The following LRBA variants were observed in gnomAD, a reference collection of about 807,000 sequenced individuals.
LRBA encodes lipopolysaccharide-responsive and beige-like anchor protein.
Under a neutral mutation model 330.0 loss-of-function variants are expected in LRBA, and 176 were observed. The ratio of observed to expected loss-of-function variants is 0.53; its 90% CI spans 0.47 to 0.60. The LOEUF (loss-of-function observed/expected upper bound fraction) is 0.60, where lower values mean the gene tolerates loss of function less well. Among genes scored for constraint, LRBA ranks in the 20% least tolerant of loss-of-function variants. The probability of loss-of-function intolerance (pLI) is 0.00; values close to 1 mark genes in which losing one functional copy is unlikely to be tolerated. For synonymous variants in LRBA, 1,230 were observed against 1,193.0 expected (o/e 1.03, Z -0.64); for missense variants, 3,259 against 3,444.8 (o/e 0.95, Z 1.35).
intron 46 of LRBA, among the ~76,000 whole-genome samples, chr4:150,424,882 G>A (rs115635863): frequency 0.023 from 3,503 of 152,282 alleles, 135 homozygotes; most frequent in African/African-American, 0.078. Flanking sequence ...AAACTATATT[G>A]CAGTCTCATC....
chr4:150,639,851 A>G lies in LRBA; in HGVS notation c.5922-40720T>C, dbSNP rs542382307. On this transcript the variant is annotated intron_variant, in intron 37 of 56. Transcript: ENST00000651943. ...TATATATATATATATATATATATAT[A>G]TATATATATATATATATATATTTAG... Among the ~76,000 whole-genome samples, 30 of 72,894 alleles carry G rather than the reference A, an allele frequency of 4.1e-4. 2 individuals carry two copies. The highest frequency in any genetic ancestry group is 1.1e-3 in the Admixed American group (6 of 5,622). The allele number at this position is 72,894 out of a possible 152,430, so 47.8% of individuals were successfully genotyped here.
intron 46 of LRBA, among the ~76,000 whole-genome samples, chr4:150,433,690 C>T (rs905188819): frequency 6.6e-6 from 1 of 151,886 alleles, no homozygotes; most frequent in South Asian, 2.1e-4. Flanking sequence ...CTTATTATTT[C>T]TCAAAAGAGT....
intron 2 of LRBA, among the ~76,000 whole-genome samples, chr4:150,942,774 A>T (rs1383486865): frequency 1.3e-5 from 2 of 152,168 alleles, no homozygotes; most frequent in Non-Finnish European, 2.9e-5. Context: ...ACAAAAAAAA[A>T]ATGTGTCCAT....
chr4:150,770,605 AC>A, intron 34 of LRBA, among the ~76,000 whole-genome samples: 2 of 151,782 alleles, frequency 1.3e-5, no homozygotes, highest in South Asian at 4.2e-4. Context: ...ACACACACAC[AC>A]ACAAACACAT....
intron 37 of LRBA, among the ~76,000 whole-genome samples, chr4:150,641,883 G>C (rs1392327824): frequency 6.6e-6 from 1 of 151,924 alleles, no homozygotes; most frequent in Non-Finnish European, 1.5e-5. Flanking sequence ...TGAAGCATGA[G>C]GCTATTACTG....
At chr4:150,898,001 C>T (rs920994797) in intron 14 of LRBA, among the ~76,000 whole-genome samples, 183 bp from the exon 15 acceptor site, 3 of 151,938 alleles carry the variant, frequency 2.0e-5, no homozygotes, top group African/African-American at 4.8e-5. Flanking sequence ...GCACTGTATA[C>T]ACAATATTTC....
At chr4:150,376,009 G>A (rs1292499853) in intron 47 of LRBA, among the ~76,000 whole-genome samples, 3 of 152,092 alleles carry the variant, frequency 2.0e-5, no homozygotes, top group Non-Finnish European at 4.4e-5. Flanking sequence ...GCATATTTAA[G>A]TATCTATGGA....
intron 47 of LRBA, among the ~76,000 whole-genome samples, chr4:150,354,147 T>C (rs1035913412): frequency 6.6e-6 from 1 of 152,132 alleles, no homozygotes; most frequent in Non-Finnish European, 1.5e-5. Flanking sequence ...TGGAATACCC[T>C]GAGGTTGCCT....
chr4:150,963,688 C>G (rs1290337431), intron 2 of LRBA, among the ~76,000 whole-genome samples: 1 of 147,290 alleles, frequency 6.8e-6, no homozygotes, highest in Non-Finnish European at 1.5e-5. Flanking sequence ...GCCGCCCAGT[C>G]CGGGAAGTGA....
At chr4:150,973,016 T>C (rs932536247) in intron 2 of LRBA, among the ~76,000 whole-genome samples, 3 of 152,170 alleles carry the variant, frequency 2.0e-5, no homozygotes, top group Non-Finnish European at 4.4e-5. Context: ...CCGGGACTGG[T>C]GATGGGCACC....
intron 34 of LRBA, among the ~76,000 whole-genome samples, chr4:150,797,657 A>T (rs1006093290): frequency 6.6e-6 from 1 of 152,100 alleles, no homozygotes; most frequent in East Asian, 1.9e-4. Context: ...CATGTCAAAA[A>T]TAATTACCAA....
intron 36 of LRBA, among the ~76,000 whole-genome samples, chr4:150,686,020 A>G (rs1305714933): frequency 2.6e-5 from 4 of 152,196 alleles, no homozygotes; most frequent in Non-Finnish European, 2.9e-5. Context: ...ATGAATGACT[A>G]CAAGATTGGG....
chr4:150,803,467 T>C (rs1742063212), intron 33 of LRBA, among the ~76,000 whole-genome samples: 1 of 152,140 alleles, frequency 6.6e-6, no homozygotes. Context: ...TTCATTAAAA[T>C]ATTTTTAATA....
intron 2 of LRBA, among the ~76,000 whole-genome samples, chr4:150,976,745 A>C (rs968307404): frequency 3.9e-5 from 6 of 152,220 alleles, no homozygotes; most frequent in African/African-American, 1.4e-4. Context: ...TAAGCAAGAC[A>C]GTCTTGAATT....
At chr4:150,917,973 C>A (rs1324877909) in intron 5 of LRBA, among the ~76,000 whole-genome samples, 2 of 151,950 alleles carry the variant, frequency 1.3e-5, no homozygotes, top group African/African-American at 2.4e-5. Flanking sequence ...ACTCATACTA[C>A]CATTTCAAAA....
chr4:150,394,079 G>A (rs1744383720), intron 47 of LRBA, among the ~76,000 whole-genome samples: 1 of 152,144 alleles, frequency 6.6e-6, no homozygotes, highest in South Asian at 2.1e-4. Context: ...CAGCAGAGAA[G>A]ATTTAATCTT....
chr4:150,537,321 T>C (rs1453878891), intron 40 of LRBA, among the ~76,000 whole-genome samples: 3 of 152,008 alleles, frequency 2.0e-5, no homozygotes, highest in African/African-American at 7.2e-5. Context: ...ATACAAAAAT[T>C]AACTCAAGAT....
chr4:150,509,568 CAAA>C lies in LRBA; in HGVS notation c.6331-18536_6331-18534del, dbSNP rs35485784. Reference sequence around the variant, plus strand: ...AATAAAAATCAAAAGAATAGAAAACCAAAAAAAAAAAAGAGAGAAATATCACTA... The same window carrying C: ...AATAAAAATCAAAAGAATAGAAAACCAAAAAAAAAGAGAGAAATATCACTA... On this transcript the variant is annotated intron_variant, in intron 40 of 56. Coordinates refer to ENST00000651943, the MANE Select transcript of LRBA (RefSeq NM_001364905.1). Among the ~76,000 whole-genome samples the C allele has an allele frequency of 3.0e-4, 43 of 142,008 alleles. 1 individual carries two copies. Among genetic ancestry groups the C allele is most frequent in the African/African-American group, 1.0e-3 (39 of 37,520 alleles). 93.2% of individuals were successfully genotyped at this position (142,008 alleles called of 152,430 possible).
At chr4:150,631,195 A>G (rs2126670437) in intron 37 of LRBA, among the ~76,000 whole-genome samples, 1 of 152,044 alleles carries the variant, frequency 6.6e-6, no homozygotes, top group South Asian at 2.1e-4. Context: ...AAAAAAAAAA[A>G]GTAAATGCAG....
Sources: allele counts gnomAD v4.1 joint callset (sites outside exome capture counted in the v4.1 genomes callset), GRCh38; gene constraint gnomAD v4.1.1; transcripts MANE v1.5; gene names NCBI Gene and HGNC (gene_info 2026-07-23, HGNC 2026-07-21).